PTPRA: variants seen among roughly 807,000 people sequenced by gnomAD.
PTPRA encodes receptor-type tyrosine-protein phosphatase alpha.
Under a neutral mutation model 104.8 loss-of-function variants are expected in PTPRA, and 25 were observed. The ratio of observed to expected loss-of-function variants is 0.24; its 90% CI spans 0.17 to 0.33. The LOEUF is 0.33. Among genes scored for constraint, PTPRA ranks in the 10% least tolerant of loss-of-function variants. PTPRA has a pLI of 1.00. For synonymous variants in PTPRA, 323 were observed against 368.9 expected (o/e 0.88, Z 1.43); for missense variants, 765 against 1,015.3 (o/e 0.75, Z 3.35).
chr20:3,022,008 AC>A lies in PTPRA; in HGVS notation c.1162-43del, dbSNP rs2064897016. 5 of 1,607,860 alleles carry A rather than the reference AC, an allele frequency of 3.1e-6. No individual in the cohort carries two copies. The highest frequency in any genetic ancestry group is 1.7e-5 in the Admixed American group (1 of 59,730). ...CACCTTCCCTCCCCTGGTACTGCCC[AC>A]CCTTGGGTATCAGGGCCAACACACA... is the stretch of plus-strand genomic sequence containing the variant. On this transcript the variant is annotated intron_variant, in intron 14 of 23. Transcript: ENST00000399903. The surrounding 1 kb of genome is among the most constrained non-coding windows in gnomAD (Gnocchi z 4.6).
intron 1 of PTPRA, among the ~76,000 whole-genome samples, chr20:2,907,155 C>T (rs2059455852): frequency 6.6e-6 from 1 of 152,172 alleles, no homozygotes. Context: ...GTTTAAGTTT[C>T]ATATATAAGT....
chr20:3,022,200 G>A lies in PTPRA; in HGVS notation c.1308G>A (p.Gly436=). The A allele has an allele frequency of 2.5e-6, 4 of 1,614,188 alleles. No homozygotes were observed. Among genetic ancestry groups the A allele is most frequent in the Non-Finnish European group, 3.4e-6 (4 of 1,180,024 alleles). ...KVKACNPQYA[G]AIVVHCSAGV... ...AGGCCTGTAACCCTCAGTATGCAGGGGCCATCGTGGTCCACTGCAGGTCAG... is the reference window on the plus strand; with the variant it reads ...AGGCCTGTAACCCTCAGTATGCAGGAGCCATCGTGGTCCACTGCAGGTCAG... Residue 436 remains glycine, a synonymous_variant, in exon 15 of 24, where the codon GGG becomes GGA. Coordinates refer to ENST00000399903, the MANE Select transcript of PTPRA (RefSeq NM_001385305.1). The surrounding 1 kb of genome is among the most constrained non-coding windows in gnomAD (Gnocchi z 4.6).
intron 3 of PTPRA, among the ~76,000 whole-genome samples, chr20:2,953,579 C>A (rs1056496846): frequency 6.6e-6 from 1 of 151,352 alleles, no homozygotes; most frequent in Admixed American, 6.6e-5. Context: ...CAATAGCCAT[C>A]CTAATGGGTA....
intron 3 of PTPRA, among the ~76,000 whole-genome samples, chr20:2,951,739 C>G (rs914503977): frequency 1.3e-5 from 2 of 152,186 alleles, no homozygotes; most frequent in Non-Finnish European, 2.9e-5. Context: ...CTCATGTGGC[C>G]CCTGCATGGC....
At chr20:2,960,782 C>G (rs760280390) in intron 3 of PTPRA, among the ~76,000 whole-genome samples, 7 of 151,758 alleles carry the variant, frequency 4.6e-5, no homozygotes, top group Admixed American at 1.3e-4. Flanking sequence ...AGCAATTTGC[C>G]TGCCTTGGCC....
chr20:3,014,994 C>G (rs979089163), intron 11 of PTPRA, among the ~76,000 whole-genome samples: 6 of 152,206 alleles, frequency 3.9e-5, no homozygotes, highest in African/African-American at 1.2e-4. Flanking sequence ...CCCCAGGCTC[C>G]CTTGCTCTTG....
chr20:3,002,500 G>T, intron 9 of PTPRA, among the ~76,000 whole-genome samples: 1 of 151,772 alleles, frequency 6.6e-6, no homozygotes, highest in African/African-American at 2.4e-5. Flanking sequence ...CTAATTTTTT[G>T]TATTTTTAGT....
chr20:2,868,186 T>C, the PTPRA span, among the ~76,000 whole-genome samples: 1 of 152,124 alleles, frequency 6.6e-6, no homozygotes, highest in African/African-American at 2.4e-5. Flanking sequence ...GGGTGCCAGG[T>C]AGAATCTGGA....
At position 2,873,984 on chromosome 20, in the gene PTPRA, C is replaced by G. The variant is rs2089532554; in HGVS notation, c.-129+224C>G. Among the ~76,000 whole-genome samples the G allele has an allele frequency of 6.6e-6, 1 of 152,346 alleles. No homozygotes were observed. The highest frequency in any genetic ancestry group is 1.9e-4 in the East Asian group (1 of 5,180). ...AACGTGCCGGCCCGAGTGCCGACCC[C>G]TCGCGACTGCCCAGGAACTTTGCAT... On this transcript the variant is annotated intron_variant, in intron 1 of 23. Coordinates refer to ENST00000399903, the MANE Select transcript of PTPRA (RefSeq NM_001385305.1). The surrounding 1 kb of genome is among the most constrained non-coding windows in gnomAD (Gnocchi z 4.4).
intron 2 of PTPRA, among the ~76,000 whole-genome samples, chr20:2,946,977 A>G (rs189349623): frequency 6.6e-6 from 1 of 152,310 alleles, no homozygotes; most frequent in Non-Finnish European, 1.5e-5. Context: ...TTTGGTTAAC[A>G]TGAGAAAGGA....
At chr20:2,881,864 G>A (rs2090068834) in intron 1 of PTPRA, among the ~76,000 whole-genome samples, 1 of 152,088 alleles carries the variant, frequency 6.6e-6, no homozygotes, top group Non-Finnish European at 1.5e-5. Flanking sequence ...AGCCAGGTAT[G>A]GTGGGCACAC....
At chr20:2,883,651 C>CAAAA (rs71195803) in intron 1 of PTPRA, among the ~76,000 whole-genome samples, 46 of 3,122 alleles carry the variant, frequency 0.015, no homozygotes, top group Non-Finnish European at 0.019. Context: ...GACTCCGTCT[C>CAAAA]AAAAAAAAAA....
intron 20 of PTPRA, among the ~76,000 whole-genome samples, chr20:3,030,371 A>G (rs1568708942): frequency 6.6e-6 from 1 of 152,178 alleles, no homozygotes; most frequent in Non-Finnish European, 1.5e-5. Context: ...AGCAGACAGT[A>G]GTGCTTGCCC....
intron 1 of PTPRA, among the ~76,000 whole-genome samples, chr20:2,899,398 G>A (rs1400173545): frequency 1.3e-5 from 2 of 152,198 alleles, no homozygotes. Flanking sequence ...ACATGGGGAA[G>A]CACCAGGGTG....
chr20:3,027,702 T>C lies in PTPRA; in HGVS notation c.1786-5T>C, dbSNP rs2065215353. The C allele has an allele frequency of 3.7e-6, 6 of 1,613,604 alleles. No individual in the cohort carries two copies. The highest frequency in any genetic ancestry group is 5.1e-6 in the Non-Finnish European group (6 of 1,179,836). Reference sequence around the variant, plus strand: ...TCACCCTTGCAATTAACCTGGCCTGTGCAGGGCTACCGGCAGAAGGACTCC... The same window carrying C: ...TCACCCTTGCAATTAACCTGGCCTGCGCAGGGCTACCGGCAGAAGGACTCC... On this transcript the variant is annotated splice_polypyrimidine_tract_variant and splice_region_variant and intron_variant, in intron 19 of 23. Coordinates refer to ENST00000399903, the MANE Select transcript of PTPRA (RefSeq NM_001385305.1).
the PTPRA span, chr20:2,866,591 A>G: frequency 1.2e-6 from 2 of 1,612,956 alleles, no homozygotes; most frequent in African/African-American, 1.3e-5. Flanking sequence ...CATCCTGTAC[A>G]TCTCAAGCAA....
chr20:2,955,152 G>T (rs893907768), intron 3 of PTPRA, among the ~76,000 whole-genome samples: 2 of 152,000 alleles, frequency 1.3e-5, no homozygotes, highest in African/African-American at 4.8e-5. Context: ...TCACTGGTTT[G>T]TTTTTATTTT....
Position 3,021,332 on chromosome 20 carries a change from A to G in PTPRA, c.1065A>G (p.Pro355=). The G allele has an allele frequency of 6.2e-7, 1 of 1,614,144 alleles. No homozygotes were observed. The highest frequency in any genetic ancestry group is 8.5e-7 in the Non-Finnish European group (1 of 1,179,970). The change falls in exon 14 of 24, where the codon CCA becomes CCG. Residue 355 remains proline, a synonymous_variant. Coordinates refer to ENST00000399903, the MANE Select transcript of PTPRA (RefSeq NM_001385305.1). ...AGTGCAAGTGCGCCCAGTACTGGCC[A>G]GACCAAGGCTGCTGGACCTATGGGA... ...RKECKCAQYW[P]DQGCWTYGNI...
chr20:2,870,659 G>A (rs1039030998), upstream of PTPRA, among the ~76,000 whole-genome samples: 1 of 152,198 alleles, frequency 6.6e-6, no homozygotes, highest in African/African-American at 2.4e-5. Flanking sequence ...TACTAGAAGG[G>A]GAAAGGAGGC....
Sources: allele counts gnomAD v4.1 joint callset (sites outside exome capture counted in the v4.1 genomes callset), GRCh38; gene constraint gnomAD v4.1.1; non-coding constraint Gnocchi (gnomAD v3.1); transcripts MANE v1.5; gene names NCBI Gene and HGNC (gene_info 2026-07-23, HGNC 2026-07-21).